Variants in BRINP3 observed in about 807,000 individuals in gnomAD.
BRINP3 encodes BMP/retinoic acid inducible neural specific 3, also known as BMP/retinoic acid-inducible neural-specific protein 3.
BRINP3 carries 19 observed loss-of-function variants against 71.0 expected under a neutral mutation model. The ratio of observed to expected loss-of-function variants is 0.27; its 90% CI spans 0.19 to 0.39. BRINP3 has a LOEUF of 0.39. Ranked by LOEUF, BRINP3 falls within the 10% of genes least tolerant of loss-of-function variation. The pLI is 1.00. For missense variants in BRINP3, 959 were observed against 940.8 expected (o/e 1.02, Z -0.25); for synonymous variants, 380 against 337.7 (o/e 1.13, Z -1.37).
In BRINP3 at chr1:190,271,730, G is replaced by T. The variant is rs78168679; in HGVS notation, c.428-6675C>A. 2.2e-3 allele frequency among the ~76,000 whole-genome samples: 339 copies of T among 151,488 alleles called. 2 individuals carry two copies. Among genetic ancestry groups the T allele is most frequent in the African/African-American group, 7.4e-3 (307 of 41,448 alleles). Reference sequence around the variant, plus strand: ...GATAAATGCTTTTCAGATAAATACCGCATTTCTACATATGTCTTTGCTTTT... The same window carrying T: ...GATAAATGCTTTTCAGATAAATACCTCATTTCTACATATGTCTTTGCTTTT... On this transcript the variant is annotated intron_variant, in intron 3 of 7. Coordinates refer to ENST00000367462, the MANE Select transcript of BRINP3 (RefSeq NM_199051.3).
intron 1 of BRINP3, among the ~76,000 whole-genome samples, chr1:190,461,468 T>A (rs1323938042): frequency 6.6e-6 from 1 of 152,190 alleles, no homozygotes; most frequent in Non-Finnish European, 1.5e-5. Context: ...GATGGTACAT[T>A]TACATGATAT....
At chr1:190,322,542 C>A (rs1335003186) in intron 2 of BRINP3, among the ~76,000 whole-genome samples, 2 of 151,914 alleles carry the variant, frequency 1.3e-5, no homozygotes, top group African/African-American at 4.8e-5. Context: ...CGGGAATATC[C>A]TAGAATATTC....
rs981637567 is a variant in BRINP3, at chr1:190,287,695, T to C, written c.237-5945A>G. On this transcript the variant is annotated intron_variant, in intron 2 of 7. Transcript: ENST00000367462. ...ATTGGCATGACTGCAACAAAAACAA[T>C]TGCCATCTCAGTAGAACAACAAGAA... 7.2e-5 allele frequency among the ~76,000 whole-genome samples: 11 copies of C among 152,224 alleles called. No individual in the cohort carries two copies. In the East Asian group the frequency reaches 1.4e-3, roughly 19 times the overall value.
intron 2 of BRINP3, among the ~76,000 whole-genome samples, chr1:190,409,835 C>A (rs1310646184): frequency 6.6e-6 from 1 of 151,956 alleles, no homozygotes; most frequent in Admixed American, 6.6e-5. Flanking sequence ...ATATTTGACT[C>A]TTTATGGGTA....
chr1:190,264,467 A>G (rs961321213), intron 4 of BRINP3, among the ~76,000 whole-genome samples: 3 of 152,194 alleles, frequency 2.0e-5, no homozygotes, highest in Non-Finnish European at 4.4e-5. Flanking sequence ...GACGACTTTA[A>G]GCCTGATAAA....
At chr1:190,383,389 T>A (rs1313414852) in intron 2 of BRINP3, among the ~76,000 whole-genome samples, 1 of 152,056 alleles carries the variant, frequency 6.6e-6, no homozygotes, top group African/African-American at 2.4e-5. Context: ...TACATTTCCC[T>A]CGTAAGAGAA....
At position 190,329,211 on chromosome 1, in the gene BRINP3, AATAGGAAAAG is replaced by A. The variant is rs997685606; in HGVS notation, c.237-47471_237-47462del. On this transcript the variant is annotated intron_variant, in intron 2 of 7. Coordinates refer to ENST00000367462, the MANE Select transcript of BRINP3 (RefSeq NM_199051.3). ...AGGGAAAATAATAAAAAAGAATCCA[AATAGGAAAAG>A]AAGTCAAACTACCTCTTTTTGCAGA... 3.3e-5 allele frequency among the ~76,000 whole-genome samples: 5 copies of A among 152,158 alleles called. No individual in the cohort carries two copies. The East Asian group carries it at 9.7e-4, about 29-fold the overall frequency.
intron 2 of BRINP3, among the ~76,000 whole-genome samples, chr1:190,328,472 C>T (rs902268027): frequency 6.6e-6 from 1 of 151,786 alleles, no homozygotes; most frequent in Non-Finnish European, 1.5e-5. Context: ...ACATAATCTC[C>T]CAGGATTAAA....
At chr1:190,392,347 T>C (rs1671304416) in intron 2 of BRINP3, among the ~76,000 whole-genome samples, 1 of 151,642 alleles carries the variant, frequency 6.6e-6, no homozygotes, top group African/African-American at 2.4e-5. Context: ...ACGAGCTTCT[T>C]TCATTTAATT....
chr1:190,462,670 A>G (rs137955579), intron 1 of BRINP3, among the ~76,000 whole-genome samples: 4 of 152,234 alleles, frequency 2.6e-5, no homozygotes, highest in African/African-American at 4.8e-5. Flanking sequence ...GCATTTCACG[A>G]AATTTTCTTA....
At chr1:190,330,585 A>G (rs1399825353) in intron 2 of BRINP3, among the ~76,000 whole-genome samples, 1 of 152,040 alleles carries the variant, frequency 6.6e-6, no homozygotes, top group Non-Finnish European at 1.5e-5. Flanking sequence ...GTTCTCAAAG[A>G]ACTTAAAATA....
At chr1:190,225,491 G>A (rs933990944) in intron 6 of BRINP3, among the ~76,000 whole-genome samples, 1 of 151,816 alleles carries the variant, frequency 6.6e-6, no homozygotes. Context: ...GGGTAGTGGG[G>A]GCTGGGAGAA....
chr1:190,324,512 T>C (rs1432363573), intron 2 of BRINP3, among the ~76,000 whole-genome samples: 3 of 151,934 alleles, frequency 2.0e-5, no homozygotes, highest in Admixed American at 1.3e-4. Context: ...TATAAATAGG[T>C]AAACATACTG....
chr1:190,410,009 C>T (rs1369801270), intron 2 of BRINP3, among the ~76,000 whole-genome samples: 1 of 152,086 alleles, frequency 6.6e-6, no homozygotes. Flanking sequence ...TCTTTTTCCT[C>T]TTTCTCCTTC....
intron 3 of BRINP3, among the ~76,000 whole-genome samples, chr1:190,271,444 C>A (rs1190427611): frequency 6.6e-6 from 1 of 151,512 alleles, no homozygotes; most frequent in African/African-American, 2.4e-5. Context: ...TCACTGGAAT[C>A]TAGTAATAAT....
intron 2 of BRINP3, among the ~76,000 whole-genome samples, chr1:190,292,762 G>C (rs1046412189): frequency 6.6e-6 from 1 of 151,684 alleles, no homozygotes; most frequent in Non-Finnish European, 1.5e-5. Flanking sequence ...CATGTAATTC[G>C]TGATTCAGTA....
intron 6 of BRINP3, among the ~76,000 whole-genome samples, chr1:190,215,577 T>G (rs1270485722): frequency 4.6e-5 from 7 of 151,998 alleles, no homozygotes; most frequent in Admixed American, 4.6e-4. Flanking sequence ...TTATTTTTTC[T>G]TGCAAAACAG....
chr1:190,273,794 T>C (rs373189509), intron 3 of BRINP3, among the ~76,000 whole-genome samples: 1 of 151,560 alleles, frequency 6.6e-6, no homozygotes, highest in East Asian at 1.9e-4. Flanking sequence ...TTATTGAGGG[T>C]AGAAACAGAC....
intron 4 of BRINP3, among the ~76,000 whole-genome samples, chr1:190,242,483 C>T (rs903626864): frequency 1.3e-5 from 2 of 151,980 alleles, no homozygotes; most frequent in Non-Finnish European, 2.9e-5. Context: ...ACATAAAAAG[C>T]ACAAACACGG....
Sources: allele counts gnomAD v4.1 joint callset (sites outside exome capture counted in the v4.1 genomes callset), GRCh38; gene constraint gnomAD v4.1.1; transcripts MANE v1.5; gene names NCBI Gene and HGNC (gene_info 2026-07-23, HGNC 2026-07-21).